KCMF1: variants seen among roughly 807,000 people sequenced by gnomAD.
KCMF1 encodes potassium channel modulatory factor 1, also known as E3 ubiquitin-protein ligase KCMF1.
A neutral mutation model predicts 41.1 loss-of-function variants in KCMF1; 3 were observed. The observed-to-expected ratio is 0.07, with a 90% confidence interval of 0.03 to 0.19. The LOEUF is 0.19. Among genes scored for constraint, KCMF1 ranks in the 10% least tolerant of loss-of-function variants. The pLI, the probability that KCMF1 is intolerant of heterozygous loss-of-function variation, is 1.00. For synonymous variants in KCMF1, 142 were observed against 164.5 expected, an observed-to-expected ratio of 0.86 and a Z score of 1.04; for missense variants, 286 against 488.9, an observed-to-expected ratio of 0.58 and a Z score of 3.91.
At chr2:85,006,353 T>G (rs1674473418) in intron 1 of KCMF1, among the ~76,000 whole-genome samples, 1 of 140,460 alleles carries the variant, frequency 7.1e-6, no homozygotes, top group Non-Finnish European at 1.5e-5. Flanking sequence ...CAGGCTGGAG[T>G]GCAGTGGCGC....
intron 1 of KCMF1, among the ~76,000 whole-genome samples, chr2:84,974,943 G>A (rs1242052927): frequency 4.0e-5 from 6 of 151,534 alleles, no homozygotes; most frequent in African/African-American, 7.3e-5. Context: ...TCCTGACCTC[G>A]TGATCCGCCG....
chr2:84,999,501 T>G (rs1674276443), intron 1 of KCMF1, among the ~76,000 whole-genome samples: 1 of 152,214 alleles, frequency 6.6e-6, no homozygotes, highest in East Asian at 1.9e-4. Flanking sequence ...TATCCTGAAG[T>G]AAGGTTAATA....
At chr2:85,002,614 GTT>G (rs56358053) in intron 1 of KCMF1, among the ~76,000 whole-genome samples, 2,544 of 143,662 alleles carry the variant, frequency 0.018, 63 homozygotes, top group African/African-American at 0.06. Context: ...TCTTAACTGT[GTT>G]TTTTTTTTTT....
At chr2:84,974,502 G>C (rs1341040131) in intron 1 of KCMF1, among the ~76,000 whole-genome samples, 1 of 151,312 alleles carries the variant, frequency 6.6e-6, no homozygotes, top group Non-Finnish European at 1.5e-5. Context: ...TCTAGTCCCG[G>C]GTTCAGCATG....
At chr2:85,051,369 G>A (rs1024691235) in intron 6 of KCMF1, among the ~76,000 whole-genome samples, 2 of 151,970 alleles carry the variant, frequency 1.3e-5, no homozygotes, top group East Asian at 1.9e-4. Context: ...ACAGAACTGT[G>A]GGTGGAATGT....
chr2:85,049,674 G>T, intron 6 of KCMF1, 26 bp downstream of exon 6: 1 of 1,572,058 alleles, frequency 6.4e-7, no homozygotes, highest in South Asian at 1.1e-5. Flanking sequence ...ATAGAATTTT[G>T]TTTGGGAAGT....
chr2:85,040,034 T>G (rs1357746065), intron 3 of KCMF1, among the ~76,000 whole-genome samples: 3 of 152,188 alleles, frequency 2.0e-5, no homozygotes, highest in Admixed American at 2.0e-4. Context: ...CAGACTGGTC[T>G]CAAACTCCTA....
chr2:84,983,942 CAA>C (rs1673832291), intron 1 of KCMF1, among the ~76,000 whole-genome samples: 1 of 152,316 alleles, frequency 6.6e-6, no homozygotes, highest in African/African-American at 2.4e-5. Flanking sequence ...TATTCCCAGC[CAA>C]AGTCTTAAAT....
At chr2:84,977,599 T>G (rs1371192085) in intron 1 of KCMF1, among the ~76,000 whole-genome samples, 2 of 151,792 alleles carry the variant, frequency 1.3e-5, no homozygotes, top group African/African-American at 4.8e-5. Flanking sequence ...TTTTTTTTCT[T>G]TTTTGTAGAG....
In KCMF1 at chr2:85,026,078, T is replaced by A. The variant is rs186436882; in HGVS notation, c.17-1811T>A. The stretch of plus-strand genomic sequence containing the variant: ...TGATCTCGGCTCACTGCAACCTCCG[T>A]CTCCTGAGTTCAAGCCATTCTTCTG... On this transcript the variant is annotated intron_variant, in intron 1 of 6. Transcript: ENST00000409785. 1.4e-3 allele frequency among the ~76,000 whole-genome samples: 206 copies of A among 151,848 alleles called. 2 individuals carry two copies. The Middle Eastern group carries it at 0.021, about 15-fold the overall frequency.
rs145173439 is a variant in KCMF1 at position 85,000,736 on chromosome 2, A to G, written c.17-27153A>G. 2.2e-3 allele frequency among the ~76,000 whole-genome samples: 339 copies of G among 152,064 alleles called. 1 individual carries two copies. Among genetic ancestry groups the G allele is most frequent in the African/African-American group, 7.5e-3 (313 of 41,486 alleles). The stretch of plus-strand genomic sequence containing the variant: ...GTGAATAATATTCTGTGTTAAGGTT[A>G]AAAAATTGAATTAGGTATTATGCTT... On this transcript the variant is annotated intron_variant, in intron 1 of 6. Coordinates refer to ENST00000409785, the MANE Select transcript of KCMF1 (RefSeq NM_020122.5).
At chr2:84,991,055 C>T (rs958718011) in intron 1 of KCMF1, among the ~76,000 whole-genome samples, 1 of 152,112 alleles carries the variant, frequency 6.6e-6, no homozygotes, top group African/African-American at 2.4e-5. Context: ...CTGCTTTAGT[C>T]AGAAGATGAA....
chr2:85,006,884 G>C (rs1674485023), intron 1 of KCMF1, among the ~76,000 whole-genome samples: 1 of 151,636 alleles, frequency 6.6e-6, no homozygotes, highest in Non-Finnish European at 1.5e-5. Flanking sequence ...CAAGGCAGGT[G>C]GATCATCTGA....
intron 1 of KCMF1, among the ~76,000 whole-genome samples, chr2:84,995,276 T>A (rs1674149299): frequency 6.6e-6 from 1 of 152,158 alleles, no homozygotes. Flanking sequence ...CACCTTGGCC[T>A]CCCAAAGTGC....
intron 3 of KCMF1, 139 bp from the exon 4 acceptor site, chr2:85,043,425 G>T: frequency 1.5e-6 from 1 of 653,078 alleles, no homozygotes. Flanking sequence ...GGTTTCTACT[G>T]CTTTTCACTG....
rs1173299646 is a variant in KCMF1 at position 85,057,140 on chromosome 2, A to G, written c.*3731A>G. 1 of 151,920 alleles carries G rather than the reference A, an allele frequency of 6.6e-6. No individual in the cohort carries two copies. Among genetic ancestry groups the G allele is most frequent in the Non-Finnish European group, 1.5e-5 (1 of 68,062 alleles). 9.4% of individuals were successfully genotyped at this position (151,920 alleles called of 1,614,324 possible). On this transcript the variant is annotated 3_prime_UTR_variant, in exon 7 of 7. Coordinates refer to ENST00000409785, the MANE Select transcript of KCMF1 (RefSeq NM_020122.5). ...TGCAGTGAGCTGAGATCACGCCGCC[A>G]TTGCACTCCAGCCCGGGCGACGGTG...
At chr2:85,014,434 G>T (rs1574024980) in intron 1 of KCMF1, among the ~76,000 whole-genome samples, 1 of 152,078 alleles carries the variant, frequency 6.6e-6, no homozygotes. Flanking sequence ...CTTTGCCTTT[G>T]GAGCAAATTA....
intron 6 of KCMF1, among the ~76,000 whole-genome samples, chr2:85,051,936 G>A (rs985585543): frequency 1.3e-5 from 2 of 152,190 alleles, no homozygotes; most frequent in African/African-American, 4.8e-5. Flanking sequence ...TAGGGCCCAA[G>A]CCTTATTTTT....
intron 1 of KCMF1, among the ~76,000 whole-genome samples, chr2:84,978,033 T>C (rs918528936): frequency 6.6e-6 from 1 of 152,092 alleles, no homozygotes; most frequent in Non-Finnish European, 1.5e-5. Flanking sequence ...TCCTCGCTCT[T>C]GTTGCCCAGG....
Sources: allele counts gnomAD v4.1 joint callset (sites outside exome capture counted in the v4.1 genomes callset), GRCh38; gene constraint gnomAD v4.1.1; transcripts MANE v1.5; gene names NCBI Gene and HGNC (gene_info 2026-07-23, HGNC 2026-07-21).